Variants in ANAPC4 observed in about 807,000 individuals in gnomAD.
The protein encoded by ANAPC4 is anaphase-promoting complex subunit 4.
Under a neutral mutation model 119.8 loss-of-function variants are expected in ANAPC4, and 63 were observed. The observed-to-expected ratio is 0.53, with a 90% CI of 0.43 to 0.65. The LOEUF (loss-of-function observed/expected upper bound fraction) is 0.65, where lower values mean the gene tolerates loss of function less well. Among genes scored for constraint, ANAPC4 ranks in the 30% least tolerant of loss-of-function variants. The probability of loss-of-function intolerance (pLI) is 0.00; values close to 1 mark genes in which losing one functional copy is unlikely to be tolerated. For missense variants in ANAPC4, 716 were observed against 945.1 expected (o/e 0.76, Z 3.18); for synonymous variants, 283 against 318.6 (o/e 0.89, Z 1.19).
At chr4:25,395,624 A>G (rs899037366) in intron 14 of ANAPC4, among the ~76,000 whole-genome samples, 1 of 151,838 alleles carries the variant, frequency 6.6e-6, no homozygotes, top group Non-Finnish European at 1.5e-5. Flanking sequence ...TAATTTTTGT[A>G]TTTTTAGTAG....
At chr4:25,417,570 A>G in intron 27 of ANAPC4, 46 bp from the exon 28 acceptor site, 1 of 1,531,552 alleles carries the variant, frequency 6.5e-7, no homozygotes, top group Non-Finnish European at 8.8e-7. Flanking sequence ...ACTAGGGAGG[A>G]TAAGATCCCC....
Position 25,388,563 on chromosome 4 carries a change from A to G in ANAPC4, c.432A>G (p.Thr144=). 1 of 1,603,922 alleles carries G rather than the reference A, an allele frequency of 6.2e-7. No individual in the cohort carries two copies. The highest frequency in any genetic ancestry group is 8.5e-7 in the Non-Finnish European group (1 of 1,171,466). The change falls in exon 5 of 29, where the codon ACA becomes ACG. Residue 144 remains threonine (T), a synonymous_variant. Transcript: ENST00000315368. ...ATCTTCTCTTACCTAAACTACCTAC[A>G]CTGCCAAAAAAGTATGTATCACTGG... ...ESNLLLPKLP[T]LPKNYSNTSK...
intron 28 of ANAPC4, 78 bp downstream of exon 28, chr4:25,417,817 A>G: frequency 1.3e-6 from 2 of 1,523,984 alleles, no homozygotes; most frequent in South Asian, 2.6e-5. Context: ...CATCAAATAC[A>G]TGATATATAA....
chr4:25,415,724 A>C, intron 26 of ANAPC4, 184 bp downstream of exon 26: 1 of 543,768 alleles, frequency 1.8e-6, no homozygotes, highest in Admixed American at 3.5e-5. Flanking sequence ...ATTGAATAGA[A>C]CCTTACTGCC....
chr4:25,401,200 C>T (rs1368229991), intron 16 of ANAPC4, among the ~76,000 whole-genome samples: 1 of 152,090 alleles, frequency 6.6e-6, no homozygotes, highest in Non-Finnish European at 1.5e-5. Flanking sequence ...ATCTTAGTCT[C>T]TCCTTGCAAG....
Position 25,383,361 on chromosome 4 carries a change from T to C in ANAPC4, c.336T>C (p.Cys112=), listed in dbSNP as rs1339019217. ...TTTCTGTGGAGGCTCCAGTTTCCTG[T>C]ATGCATTGGATGGAAGTGACAGTAG... is the stretch of plus-strand genomic sequence containing the variant. ...HSFSVEAPVS[C]MHWMEVTVES... Residue 112 remains cysteine (C), a synonymous_variant, in exon 4 of 29, where the codon TGT becomes TGC. Transcript: ENST00000315368. 1 of 1,613,226 alleles carries C rather than the reference T, an allele frequency of 6.2e-7. No homozygotes were observed. Among genetic ancestry groups the C allele is most frequent in the Non-Finnish European group, 8.5e-7 (1 of 1,179,646 alleles).
At chr4:25,384,337 A>G (rs1206494170) in intron 4 of ANAPC4, among the ~76,000 whole-genome samples, 4 of 152,184 alleles carry the variant, frequency 2.6e-5, no homozygotes, top group East Asian at 1.9e-4. Flanking sequence ...AAAGTCATCC[A>G]TGAGGGTTGG....
intron 26 of ANAPC4, chr4:25,415,941 C>A: frequency 5.8e-6 from 1 of 171,284 alleles, no homozygotes; most frequent in Non-Finnish European, 1.2e-5. Flanking sequence ...ATCCCTGAGG[C>A]TTCGCAAGGG....
At chr4:25,399,779 G>C (rs1216062056) in intron 16 of ANAPC4, among the ~76,000 whole-genome samples, 2 of 152,154 alleles carry the variant, frequency 1.3e-5, no homozygotes, top group African/African-American at 4.8e-5. Context: ...TCAGCACATT[G>C]GTGTTATTTA....
chr4:25,404,649 T>C (rs761304898), intron 17 of ANAPC4, among the ~76,000 whole-genome samples: 5 of 152,132 alleles, frequency 3.3e-5, no homozygotes, highest in Non-Finnish European at 5.9e-5. Context: ...TACCGCTCGG[T>C]CCTTCTCATT....
chr4:25,382,009 A>C (rs1203745497), intron 3 of ANAPC4, among the ~76,000 whole-genome samples: 2 of 152,236 alleles, frequency 1.3e-5, no homozygotes, highest in African/African-American at 4.8e-5. Flanking sequence ...TTTGGTGAAC[A>C]TCTTTTCCAA....
intron 16 of ANAPC4, among the ~76,000 whole-genome samples, chr4:25,397,844 T>A (rs1167309031): frequency 3.3e-5 from 5 of 152,008 alleles, no homozygotes; most frequent in Admixed American, 3.3e-4. Context: ...GGCCTTTTAA[T>A]TCATTGTGCT....
intron 3 of ANAPC4, among the ~76,000 whole-genome samples, chr4:25,383,008 G>A (rs541799233): frequency 1.5e-4 from 23 of 152,278 alleles, no homozygotes; most frequent in South Asian, 6.2e-4. Flanking sequence ...TGTGTAAGAC[G>A]TTAAGTGTGC....
rs149040942 is a variant in ANAPC4, at chr4:25,399,177, A to G, written c.1214+2278A>G. On this transcript the variant is annotated intron_variant, in intron 16 of 28. Transcript: ENST00000315368. ...TTTTACCTGGAATACTTTAGTGCGT[A>G]TTTTCTAAGAATAAAATTATTTTCT... 2.4e-4 allele frequency among the ~76,000 whole-genome samples: 37 copies of G among 152,206 alleles called. No individual in the cohort carries two copies. In the East Asian group the frequency reaches 6.4e-3, roughly 26 times the overall value.
chr4:25,413,930 CGTGTGTGTGT>C (rs72141989), intron 22 of ANAPC4, 188 bp downstream of exon 22: 28 of 511,512 alleles, frequency 5.5e-5, no homozygotes, highest in African/African-American at 5.2e-4. Context: ...TTCTTACACA[CGTGTGTGTGT>C]GTGTGTGTGT....
intron 2 of ANAPC4, among the ~76,000 whole-genome samples, chr4:25,377,887 C>G (rs114766133): frequency 0.016 from 2,511 of 152,276 alleles, 71 homozygotes; most frequent in African/African-American, 0.056. Context: ...TTAAAAAAGC[C>G]CACTATGTGC....
rs1723723109 is a variant in ANAPC4, at chr4:25,414,026, TA to T, written c.1623+285del. On this transcript the variant is annotated intron_variant, in intron 22 of 28. Coordinates refer to ENST00000315368, the MANE Select transcript of ANAPC4 (RefSeq NM_013367.3). ...AGAAGAAATTCATTGTAAACAGTCTTAGTTACAGAGCTGATGTGTCTCTGCT... is the reference window on the plus strand; with the variant it reads ...AGAAGAAATTCATTGTAAACAGTCTTGTTACAGAGCTGATGTGTCTCTGCT... 5 of 475,322 alleles carry T rather than the reference TA, an allele frequency of 1.1e-5. No homozygotes were observed. The South Asian group carries it at 1.8e-4, about 17-fold the overall frequency. 29.4% of individuals were successfully genotyped at this position (475,322 alleles called of 1,614,324 possible).
intron 14 of ANAPC4, 46 bp from the exon 15 acceptor site, chr4:25,396,618 T>G: frequency 7.2e-7 from 1 of 1,384,240 alleles, no homozygotes; most frequent in South Asian, 1.3e-5. Context: ...AGTTAGTCAC[T>G]TGATGATCGT....
chr4:25,399,708 A>G (rs1026089226), intron 16 of ANAPC4, among the ~76,000 whole-genome samples: 1 of 152,140 alleles, frequency 6.6e-6, no homozygotes, highest in African/African-American at 2.4e-5. Context: ...GCACAGTGTT[A>G]GTTATGTGAG....
Sources: allele counts gnomAD v4.1 joint callset (sites outside exome capture counted in the v4.1 genomes callset), GRCh38; gene constraint gnomAD v4.1.1; transcripts MANE v1.5; gene names NCBI Gene and HGNC (gene_info 2026-07-23, HGNC 2026-07-21).